The following KIF26B variants were observed in gnomAD, a reference collection of about 807,000 sequenced individuals.
KIF26B encodes the protein kinesin-like protein KIF26B.
A neutral mutation model predicts 151.2 loss-of-function variants in KIF26B; 63 were observed. That is an observed-to-expected ratio of 0.42 (90% CI 0.34 to 0.51). The LOEUF is 0.51. Among genes scored for constraint, KIF26B ranks in the 20% least tolerant of loss-of-function variants. The probability of loss-of-function intolerance (pLI) is 0.07; values close to 1 mark genes in which losing one functional copy is unlikely to be tolerated. For synonymous variants in KIF26B, 1,357 were observed against 1,262.1 expected, an observed-to-expected ratio of 1.08 and a Z score of -1.59; for missense variants, 2,813 against 2,913.6, an observed-to-expected ratio of 0.97 and a Z score of 0.79.
chr1:245,386,715 G>T (rs1289610995), intron 3 of KIF26B, among the ~76,000 whole-genome samples: 1 of 152,162 alleles, frequency 6.6e-6, no homozygotes, highest in African/African-American at 2.4e-5. Context: ...GATATGCAAT[G>T]AACAACTTCA....
chr1:245,626,502 G>T (rs1349621258), intron 9 of KIF26B, among the ~76,000 whole-genome samples: 1 of 151,532 alleles, frequency 6.6e-6, no homozygotes, highest in Non-Finnish European at 1.5e-5. Context: ...TAGGGACATT[G>T]AACATTTTTT....
chr1:245,677,554 C>T (rs2044371486), intron 10 of KIF26B, among the ~76,000 whole-genome samples: 1 of 152,242 alleles, frequency 6.6e-6, no homozygotes, highest in African/African-American at 2.4e-5. Flanking sequence ...TAGCTCAGCC[C>T]ATACCAAGCT....
Position 245,162,375 on chromosome 1 carries a change from C to CTTT in KIF26B, c.465+5718_465+5720dup, listed in dbSNP as rs138853411. 5.1e-3 allele frequency among the ~76,000 whole-genome samples: 394 copies of CTTT among 76,530 alleles called. 41 individuals are homozygous for CTTT. Among genetic ancestry groups the CTTT allele is most frequent in the African/African-American group, 0.019 (376 of 19,552 alleles). The allele number at this position is 76,530 out of a possible 152,430, so 50.2% of individuals were successfully genotyped here. On this transcript the variant is annotated intron_variant, in intron 2 of 14. Transcript: ENST00000407071. ...CTATAGATGCACCCATCAGAAATAT[C>CTTT]TTTTTTTTTTTTTTTTTTTTTTTTT...
intron 2 of KIF26B, among the ~76,000 whole-genome samples, chr1:245,199,553 A>T (rs973697275): frequency 6.7e-6 from 1 of 150,236 alleles, no homozygotes; most frequent in African/African-American, 2.5e-5. Context: ...ATCTTGGCTC[A>T]CTGCAACCTC....
At chr1:245,427,907 A>G (rs546756778) in intron 4 of KIF26B, among the ~76,000 whole-genome samples, 5 of 152,272 alleles carry the variant, frequency 3.3e-5, no homozygotes, top group Admixed American at 6.5e-5. Context: ...GCCAACATGC[A>G]TAATTGTGCC....
intron 12 of KIF26B, among the ~76,000 whole-genome samples, chr1:245,696,738 T>C (rs886382713): frequency 3.8e-4 from 58 of 152,194 alleles, no homozygotes; most frequent in African/African-American, 1.3e-3. Flanking sequence ...CTTAGTTTCG[T>C]TAGTTGGGGC....
chr1:245,702,592 T>G lies in KIF26B; in HGVS notation c.6313T>G (p.Ser2105Ala). ...LMMITCFDIT[S>A]RRR ...GATGATCACCTGCTTCGACATCACC[T>G]CCAGGCGCCGGTAGATGAGCCAGAC... Residue 2105 changes from serine to alanine, a missense_variant, in exon 15 of 15, where the codon TCC (serine) becomes GCC (alanine). Ser to Ala is a moderately conservative substitution (Grantham distance 99, BLOSUM62 1). Transcript: ENST00000407071. The surrounding 1 kb of genome is among the most constrained non-coding windows in gnomAD (Gnocchi z 4.1). 1.2e-6 allele frequency: 2 copies of G among 1,613,796 alleles called. No individual in the cohort carries two copies. Among genetic ancestry groups the G allele is most frequent in the Non-Finnish European group, 1.7e-6 (2 of 1,179,824 alleles).
chr1:245,691,798 A>C (rs1224858937), intron 12 of KIF26B, among the ~76,000 whole-genome samples: 1 of 152,242 alleles, frequency 6.6e-6, no homozygotes, highest in Non-Finnish European at 1.5e-5. Context: ...TAGTACATGT[A>C]ACAGCAGAAA....
chr1:245,701,568 C>A (rs981324664), intron 14 of KIF26B, among the ~76,000 whole-genome samples: 2 of 152,166 alleles, frequency 1.3e-5, no homozygotes, highest in African/African-American at 4.8e-5. Context: ...CAGACAGCGG[C>A]CACTCTAAGC....
intron 5 of KIF26B, among the ~76,000 whole-genome samples, chr1:245,568,227 G>T (rs2043030523): frequency 7.0e-6 from 1 of 142,182 alleles, no homozygotes; most frequent in Non-Finnish European, 1.5e-5. Flanking sequence ...AGCTCTCAAA[G>T]GGCCTGAGCC....
intron 2 of KIF26B, among the ~76,000 whole-genome samples, chr1:245,246,888 CACACAG>C (rs771765838): frequency 2.8e-5 from 4 of 143,996 alleles, no homozygotes; most frequent in East Asian, 2.1e-4. Context: ...CACACACACA[CACACAG>C]ACACACACAC....
intron 2 of KIF26B, among the ~76,000 whole-genome samples, chr1:245,325,026 C>T (rs954884237): frequency 2.7e-5 from 4 of 147,732 alleles, no homozygotes; most frequent in African/African-American, 7.5e-5. Context: ...ACCCAGGAGG[C>T]GGAGCTTGCA....
At chr1:245,353,739 T>C (rs566536353) in intron 2 of KIF26B, 5 of 152,738 alleles carry the variant, frequency 3.3e-5, no homozygotes, top group African/African-American at 4.8e-5. Context: ...TATTTAAAGC[T>C]GCTTTGGTGA....
intron 2 of KIF26B, among the ~76,000 whole-genome samples, chr1:245,333,735 T>C (rs893527462): frequency 2.0e-5 from 3 of 152,208 alleles, no homozygotes; most frequent in Non-Finnish European, 2.9e-5. Flanking sequence ...TGGTGGCTCA[T>C]ACCTGTAATC....
intron 2 of KIF26B, among the ~76,000 whole-genome samples, chr1:245,171,804 C>T (rs73125026): frequency 0.038 from 5,723 of 152,150 alleles, 249 homozygotes; most frequent in African/African-American, 0.11. Context: ...TTTGCTCTGC[C>T]GCATACCAGC....
intron 2 of KIF26B, among the ~76,000 whole-genome samples, chr1:245,214,857 A>T (rs1669613541): frequency 6.6e-6 from 1 of 152,154 alleles, no homozygotes; most frequent in Non-Finnish European, 1.5e-5. Flanking sequence ...AAATAAGTAA[A>T]TAAATAACGA....
rs184645298 is a variant in KIF26B, at chr1:245,480,085, G to A, written c.1166+60340G>A. 1.0e-4 allele frequency among the ~76,000 whole-genome samples: 15 copies of A among 150,268 alleles called. No individual in the cohort carries two copies. In the East Asian group the frequency reaches 1.8e-3, roughly 18 times the overall value. ...TTAGGACCAGCCTGGGCAACATGGC[G>A]TGACCCTGTCTCTCCAAACAAACAA... On this transcript the variant is annotated intron_variant, in intron 4 of 14. Transcript: ENST00000407071.
rs1042896847 is a variant in KIF26B at position 245,189,080 on chromosome 1, A to G, written c.465+32397A>G. Among the ~76,000 whole-genome samples, 8 of 152,364 alleles carry G rather than the reference A, an allele frequency of 5.3e-5. No individual in the cohort carries two copies. In the South Asian group the frequency reaches 1.5e-3, roughly 28 times the overall value. On this transcript the variant is annotated intron_variant, in intron 2 of 14. Coordinates refer to ENST00000407071, the MANE Select transcript of KIF26B (RefSeq NM_018012.4). ...AATGGAGAGTTATTGTTTAACATAC[A>G]GAGTTTCAATTCGGGAAGATGAAAA...
chr1:245,162,220 AATTTCCTTTTTAC>A (rs1256909503), intron 2 of KIF26B, among the ~76,000 whole-genome samples: 2 of 152,044 alleles, frequency 1.3e-5, no homozygotes, highest in Non-Finnish European at 2.9e-5. Context: ...ATACAAGACA[AATTTCCTTTTTAC>A]CACTCTCTGC....
Sources: gnomAD v4.1 joint callset for allele counts (sites outside exome capture counted in the v4.1 genomes callset) on GRCh38, gnomAD v4.1.1 for gene constraint, Gnocchi (gnomAD v3.1) non-coding constraint, MANE v1.5 for transcripts, NCBI Gene and HGNC (gene_info 2026-07-23, HGNC 2026-07-21) for gene names.